Variants in FAM20A observed in about 807,000 individuals in gnomAD.
The protein encoded by FAM20A is pseudokinase FAM20A.
In FAM20A, 42 loss-of-function variants were observed where a neutral mutation model predicts 52.0. That is an observed-to-expected ratio of 0.81 (90% CI 0.63 to 1.04). The LOEUF (loss-of-function observed/expected upper bound fraction) is 1.04. Among genes scored for constraint, FAM20A ranks in the 50% least tolerant of loss-of-function variants. FAM20A has a pLI of 0.00. For missense variants in FAM20A, 742 were observed against 712.7 expected (o/e 1.04, Z -0.47); for synonymous variants, 304 against 298.9 (o/e 1.02, Z -0.18).
rs1191956241 is a variant in FAM20A, at chr17:68,600,112, G to C, written c.404+151C>G. 3 of 884,544 alleles carry C rather than the reference G, an allele frequency of 3.4e-6. No individual in the cohort carries two copies. Among genetic ancestry groups the C allele is most frequent in the African/African-American group, 1.7e-5 (1 of 58,966 alleles). The allele number at this position is 884,544 out of a possible 1,614,324, so 54.8% of individuals were successfully genotyped here. A position where few individuals can be genotyped will look rare whatever the true frequency, so the allele number is the denominator to read the frequency against. On this transcript the variant is annotated intron_variant, in intron 1 of 10. Coordinates refer to ENST00000592554, the MANE Select transcript of FAM20A (RefSeq NM_017565.4). This position sits in a 1 kb window ranked among gnomAD's most constrained non-coding sequence, Gnocchi z 6.2. ...CTGCAACAGCTGGTGGGGTTCGGGTGGGGAACACACTCTAAGCCCAGCGCC... is the reference window on the plus strand; with the variant it reads ...CTGCAACAGCTGGTGGGGTTCGGGTCGGGAACACACTCTAAGCCCAGCGCC...
At chr17:68,559,182 C>T (rs558716405) in intron 1 of FAM20A, among the ~76,000 whole-genome samples, 13 of 152,174 alleles carry the variant, frequency 8.5e-5, no homozygotes, top group African/African-American at 1.7e-4. Flanking sequence ...AAATAAAAAA[C>T]GAATACGTAC....
chr17:68,549,214 G>A (rs1184043431), intron 4 of FAM20A, among the ~76,000 whole-genome samples: 1 of 152,156 alleles, frequency 6.6e-6, no homozygotes, highest in Non-Finnish European at 1.5e-5. Context: ...AAGGCATCCG[G>A]CCAGGTGCAT....
Position 68,600,547 on chromosome 17 carries a change from G to GCGCTCCCGAGGC in FAM20A, c.108_119dup (p.Glu39_Arg42dup). On this transcript the variant is annotated inframe_insertion, in exon 1 of 11. Transcript: ENST00000592554. This position sits in a 1 kb window ranked among gnomAD's most constrained non-coding sequence, Gnocchi z 6.2. Reference sequence around the variant, plus strand: ...GGCCGGTGCACGGGCACCCCCGCGGGCGCTCCCGAGGCCGCAGCTGGCGCT... The same window carrying GCGCTCCCGAGGC: ...GGCCGGTGCACGGGCACCCCCGCGGGCGCTCCCGAGGCCGCTCCCGAGGCCGCAGCTGGCGCT... The GCGCTCCCGAGGC allele has an allele frequency of 1.3e-6, 2 of 1,558,340 alleles. No individual in the cohort carries two copies. The highest frequency in any genetic ancestry group is 1.7e-6 in the Non-Finnish European group (2 of 1,151,954).
At chr17:68,540,756 GA>G in intron 8 of FAM20A, 92 bp downstream of exon 8, 1 of 1,479,548 alleles carries the variant, frequency 6.8e-7, no homozygotes, top group East Asian at 2.5e-5. Context: ...CAGTCCTCAT[GA>G]ACCAGGTTGT....
chr17:68,537,981 T>A lies in FAM20A; in HGVS notation c.1362-240A>T, dbSNP rs2086144479. On this transcript the variant is annotated intron_variant, in intron 10 of 10. Coordinates refer to ENST00000592554, the MANE Select transcript of FAM20A (RefSeq NM_017565.4). The surrounding 1 kb of genome is among the most constrained non-coding windows in gnomAD (Gnocchi z 4.2). ...AGAGCCTGCATAGCCATTTGTGCTC[T>A]AATAATGGTGATGCTGGGCTATATG... 6.6e-6 allele frequency among the ~76,000 whole-genome samples: 1 copy of A among 152,198 alleles called. No individual in the cohort carries two copies. Among genetic ancestry groups the A allele is most frequent in the Non-Finnish European group, 1.5e-5 (1 of 68,032 alleles).
At chr17:68,543,558 G>T in intron 5 of FAM20A, 71 bp downstream of exon 5, 1 of 1,343,290 alleles carries the variant, frequency 7.4e-7, no homozygotes, top group Non-Finnish European at 1.1e-6. Context: ...CACCTTGAGG[G>T]TCTGTCTAGC....
In FAM20A at chr17:68,596,201, C is replaced by CCACACACACACACACA. The variant is rs140687859; in HGVS notation, c.404+4046_404+4061dup. Among the ~76,000 whole-genome samples, 330 of 149,572 alleles carry CCACACACACACACACA rather than the reference C, an allele frequency of 2.2e-3. 1 individual carries two copies. The South Asian group carries it at 0.03, about 14-fold the overall frequency. ...AGACAGGAGTTTCTGATGTGGGAAA[C>CCACACACACACACACA]CACACACACACACACACACACCCCT... is the stretch of plus-strand genomic sequence containing the variant. On this transcript the variant is annotated intron_variant, in intron 1 of 10. Transcript: ENST00000592554.
At chr17:68,593,308 G>A (rs2088363155) in intron 1 of FAM20A, among the ~76,000 whole-genome samples, 1 of 152,318 alleles carries the variant, frequency 6.6e-6, no homozygotes, top group Admixed American at 6.5e-5. Flanking sequence ...ACCTGCCAAG[G>A]GGGCAGAGCA....
At chr17:68,586,145 T>A (rs144205146) in intron 1 of FAM20A, among the ~76,000 whole-genome samples, 1 of 152,360 alleles carries the variant, frequency 6.6e-6, no homozygotes, top group East Asian at 1.9e-4. Flanking sequence ...GTCTTGTGTA[T>A]CCTTCTTTTT....
chr17:68,599,834 A>G (rs1050060650), intron 1 of FAM20A, among the ~76,000 whole-genome samples: 5 of 152,168 alleles, frequency 3.3e-5, no homozygotes, highest in Non-Finnish European at 7.4e-5. Context: ...CTGAATTTCA[A>G]CTAGCTCTGG....
At chr17:68,589,922 G>T (rs1433733634) in intron 1 of FAM20A, among the ~76,000 whole-genome samples, 1 of 152,160 alleles carries the variant, frequency 6.6e-6, no homozygotes, top group Non-Finnish European at 1.5e-5. Context: ...TTTGGTAGCA[G>T]AGTATTGAAA....
At chr17:68,582,059 G>A (rs969750098) in intron 1 of FAM20A, among the ~76,000 whole-genome samples, 7 of 152,174 alleles carry the variant, frequency 4.6e-5, no homozygotes, top group East Asian at 1.9e-4. Context: ...AAGTGTCACC[G>A]ACTCACCAGA....
intron 10 of FAM20A, among the ~76,000 whole-genome samples, chr17:68,538,327 G>T (rs2086155409): frequency 6.6e-6 from 1 of 152,220 alleles, no homozygotes; most frequent in Admixed American, 6.5e-5. Context: ...TGCTCATCCA[G>T]TCCTGCTCTG....
chr17:68,593,503 T>C (rs1201639908), intron 1 of FAM20A, among the ~76,000 whole-genome samples: 1 of 152,228 alleles, frequency 6.6e-6, no homozygotes, highest in African/African-American at 2.4e-5. Flanking sequence ...GCTACTGCAA[T>C]AAGAAGAGCA....
Position 68,600,324 on chromosome 17 carries a change from A to T in FAM20A, c.343T>A (p.Ser115Thr), listed in dbSNP as rs1472672765. ...AGCGCCTCCTGGCTGGCCAGGAGCGAGTCCTCGGCTCCCAGGAGAGGCGGC... is the reference window on the plus strand; with the variant it reads ...AGCGCCTCCTGGCTGGCCAGGAGCGTGTCCTCGGCTCCCAGGAGAGGCGGC... ...EEPPLLGAED[S>T]LLASQEALRY... Residue 115 changes from serine to threonine, a missense_variant, in exon 1 of 11, where the codon TCG becomes ACG. Transcript: ENST00000592554. This position sits in a 1 kb window ranked among gnomAD's most constrained non-coding sequence, Gnocchi z 6.2. 3 of 1,592,940 alleles carry T rather than the reference A, an allele frequency of 1.9e-6. No individual in the cohort carries two copies. The highest frequency in any genetic ancestry group is 2.6e-6 in the Non-Finnish European group (3 of 1,170,292).
chr17:68,558,778 G>A lies in FAM20A; in HGVS notation c.405-3035C>T, dbSNP rs537653764. Among the ~76,000 whole-genome samples the A allele has an allele frequency of 8.1e-5, 12 of 147,538 alleles. No homozygotes were observed. The East Asian group carries it at 2.2e-3, about 27-fold the overall frequency. Reference sequence around the variant, plus strand: ...CTTTCCTTCCTTCCTTCCTTCTTTCGACGAAGTTTTGCTCTTGTTGCCTAG... The same window carrying A: ...CTTTCCTTCCTTCCTTCCTTCTTTCAACGAAGTTTTGCTCTTGTTGCCTAG... On this transcript the variant is annotated intron_variant, in intron 1 of 10. Transcript: ENST00000592554.
chr17:68,555,497 T>G, intron 2 of FAM20A, 62 bp downstream of exon 2: 2 of 1,583,556 alleles, frequency 1.3e-6, no homozygotes, highest in Non-Finnish European at 1.7e-6. Flanking sequence ...TAGCCTGGGA[T>G]GCTTTACCCA....
intron 1 of FAM20A, among the ~76,000 whole-genome samples, chr17:68,594,249 G>A (rs1428293230): frequency 3.3e-5 from 5 of 152,212 alleles, no homozygotes; most frequent in Middle Eastern, 3.4e-3. Context: ...AATACAAAAA[G>A]TTAGCTGGGC....
chr17:68,550,627 C>T (rs912358192), intron 4 of FAM20A, among the ~76,000 whole-genome samples: 1 of 152,062 alleles, frequency 6.6e-6, no homozygotes, highest in African/African-American at 2.4e-5. Flanking sequence ...GTGATCCACC[C>T]GCCTTGGCCT....
Sources: allele counts gnomAD v4.1 joint callset (sites outside exome capture counted in the v4.1 genomes callset), GRCh38; gene constraint gnomAD v4.1.1; non-coding constraint Gnocchi (gnomAD v3.1); transcripts MANE v1.5; gene names NCBI Gene and HGNC (gene_info 2026-07-23, HGNC 2026-07-21).